The following RETREG3 variants were observed in gnomAD, a reference collection of about 807,000 sequenced individuals.
RETREG3 encodes the protein reticulophagy regulator family member 3.
In RETREG3, 23 loss-of-function variants were observed where a neutral mutation model predicts 50.2. The observed-to-expected ratio is 0.46, with a 90% CI of 0.33 to 0.65. The LOEUF is 0.65. RETREG3 is among the 30% of genes least tolerant of loss of function. The pLI is 0.02. For missense variants in RETREG3, 546 were observed against 598.0 expected, an observed-to-expected ratio of 0.91 and a Z score of 0.91; for synonymous variants, 240 against 234.4, an observed-to-expected ratio of 1.02 and a Z score of -0.22.
intron 1 of RETREG3, among the ~76,000 whole-genome samples, chr17:42,593,647 CAAAAAA>C (rs10537185): frequency 1.2e-5 from 1 of 86,310 alleles, no homozygotes. Context: ...GACTCCGTCT[CAAAAAA>C]AAAAAAAAAA....
rs1387321657 is a variant in RETREG3, at chr17:42,609,089, A to C, written c.236T>G (p.Phe79Cys). Reference sequence around the variant, plus strand: ...TCCGAGGGTCCAGTTCTCTCACCAGAAAGCCGCGTTCAGCCCCAGGCACCA... The same window carrying C: ...TCCGAGGGTCCAGTTCTCTCACCAGCAAGCCGCGTTCAGCCCCAGGCACCA... The part of the protein sequence containing the change: ...ALWCLGLNAA[F>C]WFFALTSLRL... The change falls in exon 1 of 9, where the codon TTC (phenylalanine) becomes TGC (cysteine). Residue 79 changes from phenylalanine (F) to cysteine (C), a missense_variant. Phe to Cys is a radical substitution (Grantham distance 205). Transcript: ENST00000309428. The C allele has an allele frequency of 4.4e-6, 7 of 1,605,400 alleles. No homozygotes were observed. Among genetic ancestry groups the C allele is most frequent in the African/African-American group, 1.3e-5 (1 of 75,038 alleles).
At chr17:42,593,290 A>G (rs1351853492) in intron 1 of RETREG3, among the ~76,000 whole-genome samples, 1 of 152,182 alleles carries the variant, frequency 6.6e-6, no homozygotes, top group East Asian at 1.9e-4. Context: ...AAAAATCAGT[A>G]AGTGTAAGGC....
In RETREG3 at chr17:42,586,103, A is replaced by G. The variant is rs756248295; in HGVS notation, c.539T>C (p.Leu180Ser). Reference protein sequence around the residue: ...CLLSCGILTFLAVLGRYVPGL... With the variant: ...CLLSCGILTFSAVLGRYVPGL... ...AGGGACGTAGCGGCCCAAGACAGCC[A>G]AAAAGGTCAGTATCCCACAGCTCAG... Residue 180 changes from leucine to serine, a missense_variant, in exon 5 of 9, where the codon TTG (leucine) becomes TCG (serine). Transcript: ENST00000309428. 1.9e-6 allele frequency: 3 copies of G among 1,614,046 alleles called. No homozygotes were observed. The highest frequency in any genetic ancestry group is 4.5e-5 in the East Asian group (2 of 44,876).
chr17:42,586,665 T>A, intron 4 of RETREG3, 100 bp downstream of exon 4: 1 of 1,481,836 alleles, frequency 6.7e-7, no homozygotes, highest in Admixed American at 2.1e-5. Flanking sequence ...TCATAGTCTT[T>A]ACTTTCTTGA....
chr17:42,597,787 G>A (rs1030431412), intron 1 of RETREG3, among the ~76,000 whole-genome samples: 3 of 149,184 alleles, frequency 2.0e-5, no homozygotes, highest in African/African-American at 7.4e-5. Context: ...GCGCCACTGC[G>A]CCCAGCTAAT....
intron 1 of RETREG3, among the ~76,000 whole-genome samples, chr17:42,604,683 C>T (rs1000266418): frequency 4.3e-5 from 6 of 138,748 alleles, no homozygotes; most frequent in East Asian, 2.0e-4. Context: ...CAACAACCCC[C>T]GATTCCCCAG....
intron 1 of RETREG3, chr17:42,605,262 GT>G (rs10716297): frequency 0.98 from 148,360 of 151,138 alleles, 72,832 homozygotes; most frequent in East Asian, 1. Flanking sequence ...ATTCTGATGG[GT>G]TTTTTTTTGT....
intron 5 of RETREG3, 103 bp from the exon 6 acceptor site, chr17:42,585,365 G>A: frequency 2.0e-6 from 3 of 1,481,648 alleles, no homozygotes; most frequent in Non-Finnish European, 2.7e-6. Flanking sequence ...GACACAAAGT[G>A]TGGAACAGAT....
chr17:42,592,182 G>C lies in RETREG3; in HGVS notation c.240-20C>G. 6.3e-7 allele frequency: 1 copy of C among 1,599,336 alleles called. No individual in the cohort carries two copies. The highest frequency in any genetic ancestry group is 8.6e-7 in the Non-Finnish European group (1 of 1,168,628). ...AAAAACCTACAGAGGAAGAAAAACA[G>C]AAGAAAGATCATTTACCTAGTTATC... On this transcript the variant is annotated intron_variant, in intron 1 of 8. Coordinates refer to ENST00000309428, the MANE Select transcript of RETREG3 (RefSeq NM_178126.4).
Position 42,585,093 on chromosome 17 carries a change from G to A in RETREG3, c.727+32C>T, listed in dbSNP as rs369377989. 97 of 1,605,816 alleles carry A rather than the reference G, an allele frequency of 6.0e-5. 1 individual carries two copies. In the African/African-American group the frequency reaches 9.2e-4, roughly 15 times the overall value. ...GCTTCTCCTTTTCGCCCCAAATTGC[G>A]TAAGTGGAAAGAATGACACCATGAC... On this transcript the variant is annotated intron_variant, in intron 6 of 8. Coordinates refer to ENST00000309428, the MANE Select transcript of RETREG3 (RefSeq NM_178126.4).
In RETREG3 at chr17:42,609,345, A is replaced by G. The variant is rs1330694069; in HGVS notation, c.-21T>C. On this transcript the variant is annotated 5_prime_UTR_variant, in exon 1 of 9. An upstream start codon of the reference 5' UTR is lost. Transcript: ENST00000309428. ...GCCATCTCCCCGCGGCAGCCACAAC[A>G]TCCGGGGCCGTGGCCCGACAAGTCA... is the stretch of plus-strand genomic sequence containing the variant. 1.9e-6 allele frequency: 3 copies of G among 1,583,676 alleles called. No individual in the cohort carries two copies. The African/African-American group carries it at 4.0e-5, about 21-fold the overall frequency.
chr17:42,602,427 G>A (rs767809946), intron 1 of RETREG3, among the ~76,000 whole-genome samples: 18 of 151,986 alleles, frequency 1.2e-4, no homozygotes, highest in Non-Finnish European at 1.9e-4. Flanking sequence ...TCACAATGCT[G>A]TACGACTAAT....
intron 1 of RETREG3, among the ~76,000 whole-genome samples, chr17:42,593,100 A>G (rs949169778): frequency 6.6e-6 from 1 of 152,214 alleles, no homozygotes; most frequent in Admixed American, 6.6e-5. Flanking sequence ...TGAGGCCAGC[A>G]TTATCCTGAT....
At chr17:42,599,955 C>T (rs1259703415) in intron 1 of RETREG3, among the ~76,000 whole-genome samples, 3 of 151,472 alleles carry the variant, frequency 2.0e-5, no homozygotes, top group Non-Finnish European at 4.4e-5. Context: ...TATCGTGCCA[C>T]TGTACCCCAG....
At chr17:42,595,477 A>G (rs1243152627) in intron 1 of RETREG3, among the ~76,000 whole-genome samples, 1 of 147,198 alleles carries the variant, frequency 6.8e-6, no homozygotes, top group Non-Finnish European at 1.5e-5. Flanking sequence ...GTTCACTGCA[A>G]CCTCTGCCTC....
chr17:42,594,424 C>T (rs760257668), intron 1 of RETREG3, among the ~76,000 whole-genome samples: 2 of 151,954 alleles, frequency 1.3e-5, no homozygotes, highest in Non-Finnish European at 2.9e-5. Flanking sequence ...GGTGCAGTGG[C>T]GTGCCTGTAG....
chr17:42,607,025 T>C (rs1261488398), intron 1 of RETREG3, among the ~76,000 whole-genome samples: 1 of 151,906 alleles, frequency 6.6e-6, no homozygotes, highest in East Asian at 1.9e-4. Context: ...CCTGATAAAG[T>C]GTTTTTTTCC....
At chr17:42,586,457 CA>C (rs1238616832) in intron 4 of RETREG3, 2 of 406,110 alleles carry the variant, frequency 4.9e-6, no homozygotes, top group East Asian at 4.5e-5. Flanking sequence ...ACACAAAACC[CA>C]AAAAAACACA....
intron 6 of RETREG3, 30 bp from the exon 7 acceptor site, chr17:42,583,610 T>C: frequency 6.2e-7 from 1 of 1,602,730 alleles, no homozygotes; most frequent in Non-Finnish European, 8.5e-7. Context: ...TCTTGCTTGA[T>C]ACCTTCTCCC....
Sources: gnomAD v4.1 joint callset for allele counts (sites outside exome capture counted in the v4.1 genomes callset) on GRCh38, gnomAD v4.1.1 for gene constraint, MANE v1.5 for transcripts, NCBI Gene and HGNC (gene_info 2026-07-23, HGNC 2026-07-21) for gene names.